The following KAT14 variants were observed in gnomAD, a reference collection of about 807,000 sequenced individuals.
KAT14 encodes the protein lysine acetyltransferase 14, also known as cysteine-rich protein 2-binding protein.
Under a neutral mutation model 78.4 loss-of-function variants are expected in KAT14, and 66 were observed. The ratio of observed to expected loss-of-function variants is 0.84; its 90% CI spans 0.69 to 1.03. KAT14 has a LOEUF of 1.03. Ranked by LOEUF, KAT14 falls within the 50% of genes least tolerant of loss-of-function variation. The probability of loss-of-function intolerance (pLI) is 0.00; values close to 1 mark genes in which losing one functional copy is unlikely to be tolerated. For synonymous variants in KAT14, 344 were observed against 359.4 expected, an observed-to-expected ratio of 0.96 and a Z score of 0.48; for missense variants, 870 against 972.5, an observed-to-expected ratio of 0.89 and a Z score of 1.40.
rs1038497203 is a variant in KAT14, at chr20:18,187,603, G to A, written c.*144G>A. 4.9e-5 allele frequency: 67 copies of A among 1,378,286 alleles called. No homozygotes were observed. The South Asian group carries it at 6.6e-4, about 14-fold the overall frequency. The allele number at this position is 1,378,286 out of a possible 1,614,324, so 85.4% of individuals were successfully genotyped here. A position where few individuals can be genotyped will look rare whatever the true frequency, so the allele number is the denominator to read the frequency against. ...AACTCCCAACCAAAGTGAGAAAAGC[G>A]GCATGCAGTGAAATGAGCAGTGAGC... is the stretch of plus-strand genomic sequence containing the variant. On this transcript the variant is annotated 3_prime_UTR_variant, in exon 11 of 11. Transcript: ENST00000688188.
At chr20:18,145,846 G>T (rs1202737918) in intron 3 of KAT14, among the ~76,000 whole-genome samples, 5 of 151,908 alleles carry the variant, frequency 3.3e-5, no homozygotes, top group Admixed American at 2.6e-4. Context: ...AGAATCTCAT[G>T]ATTTCTTTTA....
intron 2 of KAT14, among the ~76,000 whole-genome samples, chr20:18,143,777 G>A (rs1176377740): frequency 6.6e-6 from 1 of 151,996 alleles, no homozygotes; most frequent in Non-Finnish European, 1.5e-5. Flanking sequence ...ACAGGCATGC[G>A]CCACCATGCC....
At chr20:18,184,108 G>A (rs2039364736) in intron 9 of KAT14, among the ~76,000 whole-genome samples, 2 of 152,098 alleles carry the variant, frequency 1.3e-5, no homozygotes, top group African/African-American at 4.8e-5. Flanking sequence ...ATTATGCACA[G>A]AAGCATATTT....
At chr20:18,140,011 T>G (rs1194789411) in intron 1 of KAT14, among the ~76,000 whole-genome samples, 3 of 152,038 alleles carry the variant, frequency 2.0e-5, no homozygotes, top group Non-Finnish European at 4.4e-5. Flanking sequence ...TCAGTGAGGG[T>G]CACAGGAAGG....
chr20:18,162,285 G>A, intron 6 of KAT14, 46 bp downstream of exon 6: 1 of 1,610,388 alleles, frequency 6.2e-7, no homozygotes, highest in Non-Finnish European at 8.5e-7. Context: ...TATGGGCCAT[G>A]GTATAAATGT....
In KAT14 at chr20:18,187,814, G is replaced by A; in HGVS notation, c.*355G>A. 1 of 280,026 alleles carries A rather than the reference G, an allele frequency of 3.6e-6. No individual in the cohort carries two copies. Among genetic ancestry groups the A allele is most frequent in the Non-Finnish European group, 6.7e-6 (1 of 149,028 alleles). 17.3% of individuals were successfully genotyped at this position (280,026 alleles called of 1,614,324 possible). A position where few individuals can be genotyped will look rare whatever the true frequency, so the allele number is the denominator to read the frequency against. On this transcript the variant is annotated 3_prime_UTR_variant, in exon 11 of 11. Coordinates refer to ENST00000688188, the MANE Select transcript of KAT14 (RefSeq NM_001392073.1). ...CTGTCTGTCATAACTTAAAGGATGA[G>A]AAAATGTGGTGTAGCTATTAAAGAT...
At chr20:18,163,779 G>A (rs1017112960) in intron 7 of KAT14, among the ~76,000 whole-genome samples, 6 of 152,134 alleles carry the variant, frequency 3.9e-5, no homozygotes, top group African/African-American at 1.2e-4. Context: ...GACATGTGGT[G>A]TGTGGGCCCT....
chr20:18,159,434 C>A (rs1216558038), intron 5 of KAT14, among the ~76,000 whole-genome samples, 169 bp downstream of exon 5: 1 of 152,214 alleles, frequency 6.6e-6, no homozygotes, highest in South Asian at 2.1e-4. Flanking sequence ...ATAAATGCCA[C>A]ATAAAAACAT....
At chr20:18,166,075 T>TAATC (rs2038628544) in intron 7 of KAT14, among the ~76,000 whole-genome samples, 1 of 152,156 alleles carries the variant, frequency 6.6e-6, no homozygotes. Flanking sequence ...TAGAAATAGA[T>TAATC]AATCGGTGCT....
rs547407106 is a variant in KAT14, at chr20:18,146,616, G to A, written c.378+1265G>A. On this transcript the variant is annotated intron_variant, in intron 3 of 10. Coordinates refer to ENST00000688188, the MANE Select transcript of KAT14 (RefSeq NM_001392073.1). ...GGAGGTTGCAGTGAGCCGAGATCGC[G>A]CCACTGCACTACAGCCTAGGCAACA... 3.9e-5 allele frequency among the ~76,000 whole-genome samples: 6 copies of A among 152,222 alleles called. No individual in the cohort carries two copies. In the East Asian group the frequency reaches 1.2e-3, roughly 29 times the overall value.
At chr20:18,174,849 A>G (rs186333992) in intron 7 of KAT14, among the ~76,000 whole-genome samples, 3,092 of 151,628 alleles carry the variant, frequency 0.02, 45 homozygotes, top group Non-Finnish European at 0.028. Flanking sequence ...TTTTTATTAG[A>G]GATGTGGGTT....
chr20:18,155,698 T>G (rs2038200792), intron 4 of KAT14, among the ~76,000 whole-genome samples: 1 of 152,206 alleles, frequency 6.6e-6, no homozygotes, highest in Non-Finnish European at 1.5e-5. Flanking sequence ...CGATACCACC[T>G]CATGCCTCTT....
At chr20:18,143,273 A>C (rs1183303854) in intron 2 of KAT14, 1 of 732,518 alleles carries the variant, frequency 1.4e-6, no homozygotes, top group East Asian at 8.7e-5. Flanking sequence ...GTTTATAAAA[A>C]TTACTTTGTT....
intron 2 of KAT14, among the ~76,000 whole-genome samples, chr20:18,144,542 C>T (rs1008530172): frequency 6.6e-6 from 1 of 152,200 alleles, no homozygotes; most frequent in African/African-American, 2.4e-5. Context: ...AATCCTAAGC[C>T]TCCCCCTAAT....
chr20:18,170,660 G>A lies in KAT14; in HGVS notation c.1668+7715G>A, dbSNP rs1313212769. 1.3e-5 allele frequency among the ~76,000 whole-genome samples: 2 copies of A among 152,170 alleles called. 1 individual carries two copies. Among genetic ancestry groups the A allele is most frequent in the South Asian group, 4.1e-4 (2 of 4,826 alleles). ...TGCCATTCTCCTGCCTCAGCCTCCT[G>A]AGTAGCTGGGACTACAGGCGTCCGC... On this transcript the variant is annotated intron_variant, in intron 7 of 10. Transcript: ENST00000688188.
At chr20:18,164,611 CTTGTTCTTTTT>C (rs2038570180) in intron 7 of KAT14, among the ~76,000 whole-genome samples, 3 of 42,490 alleles carry the variant, frequency 7.1e-5, no homozygotes, top group Admixed American at 2.4e-4. Flanking sequence ...TTCACTTGTT[CTTGTTCTTTTT>C]TTTTTTTTTT....
chr20:18,159,324 G>A (rs1397952168), intron 5 of KAT14, 59 bp downstream of exon 5: 4 of 1,563,240 alleles, frequency 2.6e-6, no homozygotes, highest in East Asian at 4.6e-5. Flanking sequence ...GCAGGTGTGA[G>A]CCCAGGAGAC....
At position 18,162,334 on chromosome 20, in the gene KAT14, T is replaced by C. The variant is rs199559832; in HGVS notation, c.1100-43T>C. On this transcript the variant is annotated intron_variant, in intron 6 of 10. Coordinates refer to ENST00000688188, the MANE Select transcript of KAT14 (RefSeq NM_001392073.1). Reference sequence around the variant, plus strand: ...CCGTGGGCTGTGTGCTCTGCATTTCTTCCTTCCTATGTCTTGATGACACTG... The same window carrying C: ...CCGTGGGCTGTGTGCTCTGCATTTCCTCCTTCCTATGTCTTGATGACACTG... 395 of 1,602,294 alleles carry C rather than the reference T, an allele frequency of 2.5e-4. 2 individuals are homozygous for C. Among genetic ancestry groups the C allele is most frequent in the Admixed American group, 6.8e-5 (4 of 58,954 alleles).
At chr20:18,159,525 TG>T (rs993085752) in intron 5 of KAT14, among the ~76,000 whole-genome samples, 50 of 152,380 alleles carry the variant, frequency 3.3e-4, no homozygotes, top group Middle Eastern at 3.4e-3. Context: ...ATCTGGTTTT[TG>T]TTTTTAAACT....
Sources: gnomAD v4.1 joint callset for allele counts (sites outside exome capture counted in the v4.1 genomes callset) on GRCh38, gnomAD v4.1.1 for gene constraint, MANE v1.5 for transcripts, NCBI Gene and HGNC (gene_info 2026-07-23, HGNC 2026-07-21) for gene names.